Variants in VPS54 observed in about 807,000 individuals in gnomAD.
VPS54 encodes VPS54 subunit of GARP complex.
Under a neutral mutation model 121.5 loss-of-function variants are expected in VPS54, and 45 were observed. The observed-to-expected ratio is 0.37, with a 90% confidence interval of 0.29 to 0.47. The LOEUF (loss-of-function observed/expected upper bound fraction) is 0.47. VPS54 is among the 20% of genes least tolerant of loss of function. VPS54 has a pLI of 0.99. For missense variants in VPS54, 1,090 were observed against 1,131.4 expected (o/e 0.96, Z 0.52); for synonymous variants, 371 against 385.8 (o/e 0.96, Z 0.45).
At chr2:64,010,183 T>C (rs1355389061) in intron 1 of VPS54, among the ~76,000 whole-genome samples, 1 of 152,224 alleles carries the variant, frequency 6.6e-6, no homozygotes. Flanking sequence ...AAAAAAAGTC[T>C]ATTTATAATT....
chr2:63,997,134 G>C (rs960085577), intron 1 of VPS54, among the ~76,000 whole-genome samples: 2 of 152,112 alleles, frequency 1.3e-5, no homozygotes, highest in Non-Finnish European at 2.9e-5. Flanking sequence ...CAGGGGGCTG[G>C]TTCCCCCGTT....
intron 7 of VPS54, among the ~76,000 whole-genome samples, chr2:63,949,650 C>T (rs985166442): frequency 6.9e-6 from 1 of 145,582 alleles, no homozygotes; most frequent in Non-Finnish European, 1.5e-5. Flanking sequence ...GTTATCTTCA[C>T]ATTGAGTAGG....
chr2:63,989,656 C>T lies in VPS54; in HGVS notation c.-20-5637G>A, dbSNP rs190141002. 6.8e-4 allele frequency among the ~76,000 whole-genome samples: 103 copies of T among 152,238 alleles called. 1 individual carries two copies. The highest frequency in any genetic ancestry group is 2.0e-3 in the African/African-American group (85 of 41,526). On this transcript the variant is annotated intron_variant, in intron 1 of 22. Coordinates refer to ENST00000272322, the MANE Select transcript of VPS54 (RefSeq NM_016516.3). ...GGTTCGGTCCACAGAAATGCTTGTT[C>T]GACTCCCTGACAACTGGTGAGTAGT... is the stretch of plus-strand genomic sequence containing the variant.
chr2:63,956,571 A>C (rs540952674), intron 7 of VPS54, among the ~76,000 whole-genome samples: 15 of 152,298 alleles, frequency 9.8e-5, no homozygotes, highest in East Asian at 9.6e-4. Context: ...TAAGATCCTC[A>C]AACAAATATA....
chr2:63,902,451 T>TAACA lies in VPS54; in HGVS notation c.2626-2874_2626-2871dup, dbSNP rs547023478. On this transcript the variant is annotated intron_variant, in intron 20 of 22. Transcript: ENST00000272322. ...TTATTGAATAACTTGATTCAAACCA[T>TAACA]AACAAACATAGCCTGACAGAAGAGG... 1.1e-4 allele frequency among the ~76,000 whole-genome samples: 17 copies of TAACA among 152,114 alleles called. No individual in the cohort carries two copies. The East Asian group carries it at 3.3e-3, about 29-fold the overall frequency.
At position 63,962,059 on chromosome 2, in the gene VPS54, G is replaced by A. The variant is rs756591692; in HGVS notation, c.1009C>T (p.Arg337Trp). 27 of 1,551,482 alleles carry A rather than the reference G, an allele frequency of 1.7e-5. No homozygotes were observed. The highest frequency in any genetic ancestry group is 6.8e-5 in the African/African-American group (5 of 73,048). ...TAGTGGCTTACTTAATGAACATACC[G>A]GAAACTGTGAATGCCCTGAAGTTCC... ...QQELQGIHSF[R>W]HLGSQLCELE... Residue 337 changes from arginine to tryptophan, a missense_variant and splice_region_variant, in exon 7 of 23, where the codon CGG (arginine) becomes TGG (tryptophan). Arg to Trp is a moderately radical substitution (Grantham distance 101, BLOSUM62 -3). Coordinates refer to ENST00000272322, the MANE Select transcript of VPS54 (RefSeq NM_016516.3).
intron 20 of VPS54, among the ~76,000 whole-genome samples, chr2:63,900,774 G>A (rs550123334): frequency 1.2e-4 from 18 of 150,876 alleles, no homozygotes; most frequent in Middle Eastern, 3.2e-3. Flanking sequence ...TGTTTTTTTT[G>A]ATTTTTTGAG....
chr2:64,008,013 G>GA (rs200093482), intron 1 of VPS54, among the ~76,000 whole-genome samples: 4,925 of 137,228 alleles, frequency 0.036, 240 homozygotes, highest in African/African-American at 0.12. Context: ...GTGGTAAAAG[G>GA]AAAAAAAAAA....
At chr2:63,897,654 AATATTATTTAGAG>A (rs1672502649) in intron 21 of VPS54, 64 bp from the exon 22 acceptor site, 4 of 971,188 alleles carry the variant, frequency 4.1e-6, no homozygotes, top group Non-Finnish European at 4.5e-6. Context: ...CTGAGTTATC[AATATTATTTAGAG>A]AAAGTATTTT....
In VPS54 at chr2:63,938,185, T is replaced by G. The variant is rs375319821; in HGVS notation, c.1399-4172A>C. Among the ~76,000 whole-genome samples, 8 of 152,032 alleles carry G rather than the reference T, an allele frequency of 5.3e-5. No individual in the cohort carries two copies. In the East Asian group the frequency reaches 1.4e-3, roughly 26 times the overall value. ...TCTTCCTAGGTTGCCCAGACTGGTC[T>G]CAAACTCTGGTCTCAAGCGATTCTC... On this transcript the variant is annotated intron_variant, in intron 11 of 22. Transcript: ENST00000272322.
At chr2:63,986,881 T>G (rs1677078503) in intron 1 of VPS54, among the ~76,000 whole-genome samples, 1 of 152,244 alleles carries the variant, frequency 6.6e-6, no homozygotes, top group African/African-American at 2.4e-5. Flanking sequence ...TTGAGTAATA[T>G]CTATTCAGAT....
At chr2:64,017,735 A>G (rs1054489971) in intron 1 of VPS54, among the ~76,000 whole-genome samples, 1 of 152,246 alleles carries the variant, frequency 6.6e-6, no homozygotes, top group Non-Finnish European at 1.5e-5. Context: ...TGGTAGTGTA[A>G]TAATTCTTAA....
At chr2:63,945,777 A>G (rs1194678595) in intron 9 of VPS54, among the ~76,000 whole-genome samples, 1 of 152,188 alleles carries the variant, frequency 6.6e-6, no homozygotes, top group African/African-American at 2.4e-5. Context: ...GCCCCATATT[A>G]AAATCCCAAA....
chr2:63,998,397 C>T (rs1280301941), intron 1 of VPS54, among the ~76,000 whole-genome samples: 1 of 152,110 alleles, frequency 6.6e-6, no homozygotes, highest in Non-Finnish European at 1.5e-5. Flanking sequence ...AGTTAGTCAA[C>T]TTACATTCAA....
chr2:63,920,077 G>C, intron 14 of VPS54, 82 bp from the exon 15 acceptor site: 1 of 1,184,700 alleles, frequency 8.4e-7, no homozygotes, highest in East Asian at 2.5e-5. Flanking sequence ...AGGAAGAAGA[G>C]CTGAGTGAGA....
intron 11 of VPS54, among the ~76,000 whole-genome samples, chr2:63,940,969 T>C (rs944930718): frequency 1.3e-5 from 2 of 152,204 alleles, no homozygotes; most frequent in African/African-American, 4.8e-5. Flanking sequence ...TCTATAAAAC[T>C]TTTGTGAACC....
chr2:63,903,038 A>C (rs1414720373), intron 20 of VPS54, among the ~76,000 whole-genome samples: 3 of 151,606 alleles, frequency 2.0e-5, no homozygotes, highest in African/African-American at 4.9e-5. Context: ...ATAACTGATT[A>C]ACATGTTAAA....
At chr2:63,991,289 G>A (rs1300309511) in intron 1 of VPS54, among the ~76,000 whole-genome samples, 2 of 152,210 alleles carry the variant, frequency 1.3e-5, no homozygotes, top group African/African-American at 4.8e-5. Context: ...TCTGTCTGAT[G>A]AGCATGCTCA....
At chr2:63,912,840 T>C (rs1050123905) in intron 18 of VPS54, among the ~76,000 whole-genome samples, 179 bp from the exon 19 acceptor site, 4 of 152,228 alleles carry the variant, frequency 2.6e-5, no homozygotes, top group African/African-American at 9.6e-5. Context: ...AATTTGATAC[T>C]GAATAATGTA....
Sources: allele counts gnomAD v4.1 joint callset (sites outside exome capture counted in the v4.1 genomes callset), GRCh38; gene constraint gnomAD v4.1.1; transcripts MANE v1.5; gene names NCBI Gene and HGNC (gene_info 2026-07-23, HGNC 2026-07-21).